Variants in BMPR2 observed in about 807,000 individuals in gnomAD.
BMPR2 encodes bone morphogenetic protein receptor type 2.
In BMPR2, 29 loss-of-function variants were observed where a neutral mutation model predicts 100.8. That is an observed-to-expected ratio of 0.29 (90% CI 0.21 to 0.39). The LOEUF is 0.39. BMPR2 is among the 10% of genes least tolerant of loss of function. BMPR2 has a pLI of 1.00. For synonymous variants in BMPR2, 382 were observed against 442.3 expected (o/e 0.86, Z 1.71); for missense variants, 1,011 against 1,274.5 (o/e 0.79, Z 3.15).
chr2:202,389,310 G>C (rs180935879), intron 1 of BMPR2, among the ~76,000 whole-genome samples: 25 of 151,966 alleles, frequency 1.6e-4, no homozygotes, highest in African/African-American at 5.1e-4. Context: ...GGCAGATCAT[G>C]AGGTCAGGAG....
At chr2:202,519,351 A>C (rs767626316) in intron 6 of BMPR2, among the ~76,000 whole-genome samples, 3 of 152,224 alleles carry the variant, frequency 2.0e-5, no homozygotes, top group Non-Finnish European at 2.9e-5. Flanking sequence ...CGACAGAGCA[A>C]GACGCAATCT....
rs1270004442 is a variant in BMPR2 at position 202,441,747 on chromosome 2, A to G, written c.77-23062A>G. Among the ~76,000 whole-genome samples the G allele has an allele frequency of 1.8e-4, 26 of 145,110 alleles. 2 individuals carry two copies. Among genetic ancestry groups the G allele is most frequent in the African/African-American group, 6.7e-4 (25 of 37,414 alleles). ...AAAAAAAAAAAAAAAAAAATTATAA[A>G]ATGTGGCCAGGCGTGGTGGCTCACG... On this transcript the variant is annotated intron_variant, in intron 1 of 12. Coordinates refer to ENST00000374580, the MANE Select transcript of BMPR2 (RefSeq NM_001204.7).
At chr2:202,446,529 T>C (rs900085710) in intron 1 of BMPR2, among the ~76,000 whole-genome samples, 8 of 150,650 alleles carry the variant, frequency 5.3e-5, no homozygotes, top group Non-Finnish European at 1.2e-4. Context: ...GATGGGCCTA[T>C]TGGGCATTCA....
At position 202,443,447 on chromosome 2, in the gene BMPR2, G is replaced by A. The variant is rs116760149; in HGVS notation, c.77-21362G>A. 6.2e-3 allele frequency among the ~76,000 whole-genome samples: 936 copies of A among 150,546 alleles called. 17 individuals carry two copies. Among genetic ancestry groups the A allele is most frequent in the Admixed American group, 0.012 (180 of 15,220 alleles). On this transcript the variant is annotated intron_variant, in intron 1 of 12. Transcript: ENST00000374580. Reference sequence around the variant, plus strand: ...CCACCAACAGTGTACAAGGGTCAAGGATTCCAATTTCTTTATATATTCACC... The same window carrying A: ...CCACCAACAGTGTACAAGGGTCAAGAATTCCAATTTCTTTATATATTCACC...
intron 12 of BMPR2, among the ~76,000 whole-genome samples, chr2:202,557,464 AACACACACACACACACACACACACACAC>A (rs138065331): frequency 1.6e-5 from 2 of 125,340 alleles, no homozygotes; most frequent in African/African-American, 3.2e-5. Flanking sequence ...CTCTGTCTCA[AACACACACACACACACACACACACACAC>A]ACACACACAC....
chr2:202,501,037 T>G (rs898395567), intron 3 of BMPR2, among the ~76,000 whole-genome samples: 1 of 152,180 alleles, frequency 6.6e-6, no homozygotes, highest in Non-Finnish European at 1.5e-5. Context: ...AATATGTGGA[T>G]GATTTACTTT....
intron 10 of BMPR2, among the ~76,000 whole-genome samples, chr2:202,546,913 T>C (rs986335040): frequency 1.1e-5 from 1 of 87,554 alleles, no homozygotes; most frequent in South Asian, 5.0e-4. Flanking sequence ...GTGTTTTGTT[T>C]TGTTTTGTTT....
chr2:202,404,020 AAG>A (rs952821389), intron 1 of BMPR2, among the ~76,000 whole-genome samples: 6 of 151,976 alleles, frequency 3.9e-5, no homozygotes, highest in South Asian at 2.1e-4. Flanking sequence ...AAAAAAAAAA[AAG>A]TGAGATATTA....
chr2:202,392,979 G>A (rs974543298), intron 1 of BMPR2, among the ~76,000 whole-genome samples: 2 of 126,070 alleles, frequency 1.6e-5, no homozygotes, highest in East Asian at 2.2e-4. Context: ...CAACAAGAGC[G>A]AAACTCCGTC....
chr2:202,433,557 T>C (rs1691548501), intron 1 of BMPR2, among the ~76,000 whole-genome samples: 1 of 150,738 alleles, frequency 6.6e-6, no homozygotes, highest in Admixed American at 6.6e-5. Context: ...ACAAAAAGTT[T>C]ATGGGGACAA....
chr2:202,397,197 T>C (rs1690672057), intron 1 of BMPR2, among the ~76,000 whole-genome samples: 1 of 152,152 alleles, frequency 6.6e-6, no homozygotes, highest in Non-Finnish European at 1.5e-5. Context: ...CTCAAAAATA[T>C]CATATTTTTT....
At chr2:202,449,656 G>A (rs544555604) in intron 1 of BMPR2, among the ~76,000 whole-genome samples, 2 of 152,238 alleles carry the variant, frequency 1.3e-5, no homozygotes, top group South Asian at 2.1e-4. Flanking sequence ...CATTTCACAC[G>A]TTTTGTCACA....
intron 1 of BMPR2, among the ~76,000 whole-genome samples, chr2:202,419,403 C>G (rs1691209223): frequency 6.6e-6 from 1 of 152,150 alleles, no homozygotes; most frequent in Non-Finnish European, 1.5e-5. Flanking sequence ...GTCACTCAGG[C>G]TGGAGTGCAG....
At chr2:202,402,395 G>A (rs1690783306) in intron 1 of BMPR2, among the ~76,000 whole-genome samples, 1 of 152,020 alleles carries the variant, frequency 6.6e-6, no homozygotes, top group Non-Finnish European at 1.5e-5. Flanking sequence ...GCACACGCCT[G>A]TATCCCAGCT....
chr2:202,450,930 G>C (rs574982382), intron 1 of BMPR2, among the ~76,000 whole-genome samples: 1 of 152,108 alleles, frequency 6.6e-6, no homozygotes, highest in African/African-American at 2.4e-5. Context: ...TGTTGCTTCA[G>C]CTATTTAGTT....
At chr2:202,464,175 AAAAAAAG>A (rs1206552029) in intron 1 of BMPR2, among the ~76,000 whole-genome samples, 3 of 151,598 alleles carry the variant, frequency 2.0e-5, no homozygotes, top group Non-Finnish European at 4.4e-5. Flanking sequence ...AAAAAAAAAA[AAAAAAAG>A]AATTTTTTTT....
chr2:202,423,744 ACCT>A (rs1375437395), intron 1 of BMPR2, among the ~76,000 whole-genome samples: 2 of 150,780 alleles, frequency 1.3e-5, no homozygotes, highest in African/African-American at 4.9e-5. Context: ...ATAGCATAAG[ACCT>A]CCTCTCTAAA....
intron 1 of BMPR2, among the ~76,000 whole-genome samples, chr2:202,411,620 C>G (rs1014457183): frequency 6.6e-6 from 1 of 152,072 alleles, no homozygotes; most frequent in Non-Finnish European, 1.5e-5. Flanking sequence ...TTTGTGTGCT[C>G]TGTTGGAGTC....
intron 7 of BMPR2, among the ~76,000 whole-genome samples, chr2:202,522,656 C>T (rs1268370407): frequency 2.0e-5 from 3 of 151,898 alleles, no homozygotes; most frequent in Non-Finnish European, 4.4e-5. Context: ...ATAGTCAGAC[C>T]CCCATCTCTA....
Sources: allele counts gnomAD v4.1 joint callset (sites outside exome capture counted in the v4.1 genomes callset), GRCh38; gene constraint gnomAD v4.1.1; transcripts MANE v1.5; gene names NCBI Gene and HGNC (gene_info 2026-07-23, HGNC 2026-07-21).